Variants in DOP1B observed in about 807,000 individuals in gnomAD.
DOP1B encodes the protein protein DOP1B.
In DOP1B, 174 loss-of-function variants were observed where a neutral mutation model predicts 233.5. That is an observed-to-expected ratio of 0.75 (90% confidence interval 0.66 to 0.85). DOP1B has a LOEUF of 0.85. DOP1B is among the 40% of genes least tolerant of loss of function. DOP1B has a pLI of 0.00. For missense variants in DOP1B, 2,652 were observed against 2,846.6 expected (o/e 0.93, Z 1.56); for synonymous variants, 1,190 against 1,185.6 (o/e 1.00, Z -0.08).
rs1349723859 is a variant in DOP1B, at chr21:36,225,592, G to T, written c.1398G>T (p.Arg466Ser). The T allele has an allele frequency of 6.2e-7, 1 of 1,614,064 alleles. No homozygotes were observed. The highest frequency in any genetic ancestry group is 1.7e-5 in the Admixed American group (1 of 59,978). The stretch of plus-strand genomic sequence containing the variant: ...CAGTGAAGCAGCGTTACAGCGTGAG[G>T]AACAGCGTCAGCCCTCCCCCCACGG... ...FRPVKQRYSV[R>S]NSVSPPPTVS... is the part of the protein sequence containing the mutation. Residue 466 changes from arginine (R) to serine (S), a missense_variant, in exon 12 of 37, where the codon AGG becomes AGT. By Grantham distance (110) the Arg-to-Ser change is moderately radical. Transcript: ENST00000691173.
At chr21:36,242,744 G>GA (rs1799649653) in intron 18 of DOP1B, among the ~76,000 whole-genome samples, 3 of 151,882 alleles carry the variant, frequency 2.0e-5, no homozygotes, top group Admixed American at 6.6e-5. Context: ...TTCTTTCTCT[G>GA]AAAAAAATGA....
chr21:36,200,307 G>A lies in DOP1B; in HGVS notation c.321-24G>A, dbSNP rs200370673. ...TGACTGGGTATCTTATTTCTGCCCC[G>A]CTCCCTCTCGTTCTTTCTCGAAGCT... is the stretch of plus-strand genomic sequence containing the variant. On this transcript the variant is annotated intron_variant, in intron 3 of 36. Transcript: ENST00000691173. 1.0e-3 allele frequency: 1,621 copies of A among 1,554,338 alleles called. 14 individuals carry two copies. The South Asian group carries it at 0.013, about 12-fold the overall frequency.
chr21:36,289,181 C>T lies in DOP1B; in HGVS notation c.6490C>T (p.Pro2164Ser). The T allele has an allele frequency of 1.2e-6, 2 of 1,613,702 alleles. No homozygotes were observed. The highest frequency in any genetic ancestry group is 1.7e-6 in the Non-Finnish European group (2 of 1,179,948). ...CTTGGACACAGCGCTTTCTTTTCCA[C>T]CTGACAAGATGCCATTATTTCAAAT... is the stretch of plus-strand genomic sequence containing the variant. The part of the protein sequence containing the change: ...KFLDTALSFP[P>S]DKMPLFQIYR... Residue 2164 changes from proline to serine, a missense_variant, in exon 35 of 37, where the codon CCT becomes TCT. Transcript: ENST00000691173.
At position 36,227,756 on chromosome 21, in the gene DOP1B, A is replaced by G; in HGVS notation, c.1544A>G (p.Glu515Gly). 6.2e-7 allele frequency: 1 copy of G among 1,613,020 alleles called. No individual in the cohort carries two copies. The highest frequency in any genetic ancestry group is 1.1e-5 in the South Asian group (1 of 91,006). The stretch of plus-strand genomic sequence containing the variant: ...GGCTGCCTGGTGCAGCCTCTTGCTG[A>G]GGACATGGAGGCCTTAAGTTTACCT... ...VLGCLVQPLA[E>G]DMEALSLPEL... Residue 515 changes from glutamate to glycine, a missense_variant, in exon 13 of 37, where the codon GAG becomes GGG. Coordinates refer to ENST00000691173, the MANE Select transcript of DOP1B (RefSeq NM_001320714.2).
intron 1 of DOP1B, among the ~76,000 whole-genome samples, chr21:36,157,188 T>G (rs1053063091): frequency 2.6e-4 from 39 of 151,930 alleles, no homozygotes; most frequent in African/African-American, 8.4e-4. Flanking sequence ...GCGGGGAGAC[T>G]GGGTGGGGTC....
chr21:36,230,037 C>G (rs1223591085), intron 13 of DOP1B, among the ~76,000 whole-genome samples: 1 of 151,588 alleles, frequency 6.6e-6, no homozygotes, highest in Non-Finnish European at 1.5e-5. Flanking sequence ...TTGTCGGAAA[C>G]AGTTCTCGCT....
chr21:36,278,779 G>C (rs369543505), intron 30 of DOP1B, among the ~76,000 whole-genome samples: 23 of 152,294 alleles, frequency 1.5e-4, no homozygotes, highest in African/African-American at 5.5e-4. Flanking sequence ...TGAGGTATGA[G>C]AATCGCTTGA....
At chr21:36,238,550 G>C (rs971027157) in intron 16 of DOP1B, 51 bp from the exon 17 acceptor site, 2 of 1,484,452 alleles carry the variant, frequency 1.3e-6, no homozygotes, top group African/African-American at 2.8e-5. Context: ...ACTGAAGACA[G>C]TGGTCAGTTA....
In DOP1B at chr21:36,268,038, A is replaced by T. The variant is rs1002246827; in HGVS notation, c.5488-1975A>T. Among the ~76,000 whole-genome samples the T allele has an allele frequency of 2.0e-5, 3 of 152,186 alleles. No homozygotes were observed. The East Asian group carries it at 5.8e-4, about 29-fold the overall frequency. ...GTTCAGCGGTGCACGTATTGTCTTG[A>T]TAAACATCTTATCTTAACAGAAAAC... On this transcript the variant is annotated intron_variant, in intron 26 of 36. Coordinates refer to ENST00000691173, the MANE Select transcript of DOP1B (RefSeq NM_001320714.2).
intron 23 of DOP1B, among the ~76,000 whole-genome samples, chr21:36,258,273 G>T (rs370327568): frequency 3.3e-5 from 5 of 152,302 alleles, no homozygotes; most frequent in African/African-American, 1.2e-4. Context: ...AGCCAGGCAT[G>T]GTATGCACCT....
intron 12 of DOP1B, among the ~76,000 whole-genome samples, chr21:36,227,348 C>A (rs377115745): frequency 2.6e-5 from 4 of 151,798 alleles, no homozygotes; most frequent in African/African-American, 9.7e-5. Context: ...GAGATCGAGA[C>A]CATCCTGGCT....
At position 36,230,523 on chromosome 21, in the gene DOP1B, C is replaced by G; in HGVS notation, c.1739C>G (p.Ser580Trp). ...GTGATTCCCGGTGACGAAGATGCTT[C>G]GTTTCCCCCTCTGAAGTCTGAGGAC... ...KAVIPGDEDA[S>W]FPPLKSEDSG... The change falls in exon 14 of 37, where the codon TCG becomes TGG. Residue 580 changes from serine (S) to tryptophan (W), a missense_variant. By Grantham distance (177) the Ser-to-Trp change is radical (BLOSUM62 -3). Coordinates refer to ENST00000691173, the MANE Select transcript of DOP1B (RefSeq NM_001320714.2). The G allele has an allele frequency of 6.2e-7, 1 of 1,613,928 alleles. No homozygotes were observed.
chr21:36,232,956 A>G lies in DOP1B; in HGVS notation c.2503A>G (p.Met835Val), dbSNP rs765134932. The change falls in exon 15 of 37, where the codon ATG (methionine) becomes GTG (valine). Residue 835 changes from methionine to valine, a missense_variant. Met to Val is a conservative substitution (Grantham distance 21). Coordinates refer to ENST00000691173, the MANE Select transcript of DOP1B (RefSeq NM_001320714.2). Reference sequence around the variant, plus strand: ...CCTGGCGCTTGTCATTGAAGACAAGATGAAACGCTATAAGAGCTCTGGACA... The same window carrying G: ...CCTGGCGCTTGTCATTGAAGACAAGGTGAAACGCTATAAGAGCTCTGGACA... ...QSLALVIEDKMKRYKSSGHNP... is the reference protein window; with the variant it reads ...QSLALVIEDKVKRYKSSGHNP... 1.2e-6 allele frequency: 2 copies of G among 1,614,034 alleles called. No homozygotes were observed. The highest frequency in any genetic ancestry group is 1.3e-5 in the African/African-American group (1 of 74,920).
At chr21:36,238,030 G>A (rs757574020) in intron 16 of DOP1B, among the ~76,000 whole-genome samples, 4 of 152,192 alleles carry the variant, frequency 2.6e-5, no homozygotes, top group Non-Finnish European at 5.9e-5. Flanking sequence ...AGCCGGGCAT[G>A]GTGGCACATG....
intron 4 of DOP1B, among the ~76,000 whole-genome samples, chr21:36,204,472 G>C (rs1390521202): frequency 6.6e-6 from 1 of 152,012 alleles, no homozygotes; most frequent in African/African-American, 2.4e-5. Context: ...CTGAGCACTT[G>C]CGACGTGCAT....
chr21:36,168,941 C>T (rs2065942872), intron 2 of DOP1B: 5 of 639,280 alleles, frequency 7.8e-6, no homozygotes, highest in South Asian at 4.9e-5. Context: ...TTATTGAGAC[C>T]CCACCAGGTG....
At chr21:36,241,693 C>CTT (rs58454212) in intron 18 of DOP1B, among the ~76,000 whole-genome samples, 38 of 105,520 alleles carry the variant, frequency 3.6e-4, no homozygotes, top group African/African-American at 4.4e-4. Context: ...TTCTTTCTTT[C>CTT]TTTTTTTTTT....
chr21:36,264,459 T>G (rs2067210528), intron 26 of DOP1B, among the ~76,000 whole-genome samples: 1 of 151,784 alleles, frequency 6.6e-6, no homozygotes, highest in African/African-American at 2.4e-5. Flanking sequence ...GGATATTTCT[T>G]TTTTTCTTTT....
intron 4 of DOP1B, among the ~76,000 whole-genome samples, chr21:36,201,999 A>C (rs534342912): frequency 2.0e-5 from 3 of 152,232 alleles, no homozygotes; most frequent in Non-Finnish European, 4.4e-5. Context: ...AGCCTGGCCA[A>C]CATGGTGAAA....
Sources: allele counts gnomAD v4.1 joint callset (sites outside exome capture counted in the v4.1 genomes callset), GRCh38; gene constraint gnomAD v4.1.1; transcripts MANE v1.5; gene names NCBI Gene and HGNC (gene_info 2026-07-23, HGNC 2026-07-21).